TRPS1: variants seen among roughly 807,000 people sequenced by gnomAD.
The protein encoded by TRPS1 is zinc finger transcription factor Trps1.
A neutral mutation model predicts 101.2 loss-of-function variants in TRPS1; 6 were observed. The ratio of observed to expected loss-of-function variants is 0.06; its 90% CI spans 0.03 to 0.12. TRPS1 has a LOEUF of 0.12. Ranked by LOEUF, TRPS1 falls within the 10% of genes least tolerant of loss-of-function variation. The pLI is 1.00. For synonymous variants in TRPS1, 578 were observed against 589.8 expected (o/e 0.98, Z 0.29); for missense variants, 1,363 against 1,567.0 (o/e 0.87, Z 2.20).
chr8:115,416,434 T>A (rs966925707), intron 6 of TRPS1, among the ~76,000 whole-genome samples: 32 of 150,922 alleles, frequency 2.1e-4, no homozygotes, highest in Non-Finnish European at 4.6e-4. Flanking sequence ...CAGAAAATAA[T>A]TTCCACATAA....
intron 5 of TRPS1, among the ~76,000 whole-genome samples, chr8:115,470,744 G>A (rs555896746): frequency 1.3e-5 from 2 of 152,230 alleles, no homozygotes; most frequent in East Asian, 3.9e-4. Context: ...CAAAATTAAA[G>A]TTAGAAACTA....
intron 6 of TRPS1, among the ~76,000 whole-genome samples, chr8:115,417,620 T>C (rs952911767): frequency 6.6e-6 from 1 of 152,174 alleles, no homozygotes; most frequent in African/African-American, 2.4e-5. Context: ...TGAGTTTTAA[T>C]TTTATTACAG....
Position 115,664,095 on chromosome 8 carries a change from C to T in TRPS1, c.-122+4450G>A, listed in dbSNP as rs187636231. Among the ~76,000 whole-genome samples the T allele has an allele frequency of 2.6e-4, 40 of 152,154 alleles. No individual in the cohort carries two copies. In the East Asian group the frequency reaches 2.7e-3, roughly 10 times the overall value. ...ATTTTATACAAACAAATGACTTTGG[C>T]CCTACTTACATCGGAGGATAAATTT... On this transcript the variant is annotated intron_variant, in intron 1 of 6. Coordinates refer to ENST00000395715, the MANE Select transcript of TRPS1 (RefSeq NM_014112.5).
chr8:115,425,515 C>G (rs950365642), intron 5 of TRPS1, among the ~76,000 whole-genome samples: 3 of 152,152 alleles, frequency 2.0e-5, no homozygotes, highest in African/African-American at 7.2e-5. Context: ...GTAATCATAC[C>G]TTGCACTGAG....
chr8:115,478,690 G>A (rs1814667083), intron 5 of TRPS1, among the ~76,000 whole-genome samples: 1 of 151,746 alleles, frequency 6.6e-6, no homozygotes, highest in Non-Finnish European at 1.5e-5. Flanking sequence ...TGTAATCCCA[G>A]CTACTTGGGT....
At chr8:115,621,051 C>T (rs1818381698) in intron 2 of TRPS1, among the ~76,000 whole-genome samples, 11 of 152,204 alleles carry the variant, frequency 7.2e-5, no homozygotes, top group Admixed American at 7.2e-4. Context: ...TTAGTGACAT[C>T]AGTGACTGGG....
chr8:115,503,309 G>A (rs898140655), intron 5 of TRPS1, among the ~76,000 whole-genome samples: 24 of 149,402 alleles, frequency 1.6e-4, no homozygotes, highest in African/African-American at 3.7e-4. Context: ...ACCAATGTAC[G>A]CGAATTACCA....
rs1194318409 is a variant in TRPS1 at position 115,418,219 on chromosome 8, C to T, written c.2823+111G>A. 1 of 1,584,448 alleles carries T rather than the reference C, an allele frequency of 6.3e-7. No homozygotes were observed. Among genetic ancestry groups the T allele is most frequent in the East Asian group, 2.2e-5 (1 of 44,650 alleles). Reference sequence around the variant, plus strand: ...TGCACTCAAAGTGACTGTATTAAAACAACCCTGCGGGGGCAGGCACTGCAA... The same window carrying T: ...TGCACTCAAAGTGACTGTATTAAAATAACCCTGCGGGGGCAGGCACTGCAA... On this transcript the variant is annotated intron_variant, in intron 6 of 6. Coordinates refer to ENST00000395715, the MANE Select transcript of TRPS1 (RefSeq NM_014112.5). The surrounding 1 kb of genome is among the most constrained non-coding windows in gnomAD (Gnocchi z 4.3).
At chr8:115,494,482 C>T (rs927968304) in intron 5 of TRPS1, among the ~76,000 whole-genome samples, 1 of 152,170 alleles carries the variant, frequency 6.6e-6, no homozygotes, top group South Asian at 2.1e-4. Flanking sequence ...AAATTGCTTA[C>T]GCCAAGAGGG....
chr8:115,568,568 T>C (rs1817124596), intron 5 of TRPS1, among the ~76,000 whole-genome samples: 1 of 152,198 alleles, frequency 6.6e-6, no homozygotes, highest in Admixed American at 6.6e-5. Flanking sequence ...TGATATTTTA[T>C]GCTCTAGTTT....
At chr8:115,567,539 T>C (rs978719265) in intron 5 of TRPS1, among the ~76,000 whole-genome samples, 2 of 151,994 alleles carry the variant, frequency 1.3e-5, no homozygotes, top group Non-Finnish European at 2.9e-5. Flanking sequence ...TCCTAAATAT[T>C]CAGATATGGA....
In TRPS1 at chr8:115,565,603, C is replaced by A. The variant is rs539228234; in HGVS notation, c.2700+21398G>T. Among the ~76,000 whole-genome samples the A allele has an allele frequency of 4.6e-5, 7 of 150,970 alleles. No homozygotes were observed. The South Asian group carries it at 1.3e-3, about 27-fold the overall frequency. ...CATTAGTGAGTTCGCCAAAGTACTA[C>A]AAAGTAACCACATTTTAAACAGAAA... is the stretch of plus-strand genomic sequence containing the variant. On this transcript the variant is annotated intron_variant, in intron 5 of 6. Coordinates refer to ENST00000395715, the MANE Select transcript of TRPS1 (RefSeq NM_014112.5).
In TRPS1 at chr8:115,412,539, A is replaced by T. The variant is rs1469417189; in HGVS notation, c.*1484T>A. 6.6e-6 allele frequency: 1 copy of T among 152,566 alleles called. No homozygotes were observed. The highest frequency in any genetic ancestry group is 1.5e-5 in the Non-Finnish European group (1 of 68,004). The allele number at this position is 152,566 out of a possible 1,614,324, so 9.5% of individuals were successfully genotyped here. ...GTAATACATTAATATTTACTAGAAA[A>T]ATAAGTTTTTTTTTTCCTATTTGTT... On this transcript the variant is annotated 3_prime_UTR_variant, in exon 7 of 7. Transcript: ENST00000395715.
At chr8:115,576,286 T>TATATAG (rs1238041454) in intron 5 of TRPS1, among the ~76,000 whole-genome samples, 547 of 130,690 alleles carry the variant, frequency 4.2e-3, no homozygotes, top group South Asian at 8.8e-3. Flanking sequence ...TTCATATATA[T>TATATAG]ATATAGATAT....
At chr8:115,664,595 T>C (rs61017128) in intron 1 of TRPS1, among the ~76,000 whole-genome samples, 11,233 of 152,124 alleles carry the variant, frequency 0.074, 1,230 homozygotes, top group African/African-American at 0.24. Context: ...AGACTCAGAA[T>C]TAGTTATCAA....
chr8:115,663,716 A>G (rs911456442), intron 1 of TRPS1, among the ~76,000 whole-genome samples: 1 of 135,450 alleles, frequency 7.4e-6, no homozygotes, highest in Admixed American at 7.0e-5. Flanking sequence ...GTGCTCTTGG[A>G]AAAGGAAAAA....
rs1815684845 is a variant in TRPS1, at chr8:115,515,381, G to A, written c.2700+71620C>T. ...AGAACCTGAGATTACCCAAACCTGTGCATTTTGCCATGAAATATAAATCAA... is the reference window on the plus strand; with the variant it reads ...AGAACCTGAGATTACCCAAACCTGTACATTTTGCCATGAAATATAAATCAA... On this transcript the variant is annotated intron_variant, in intron 5 of 6. Transcript: ENST00000395715. 6 of 615,840 alleles carry A rather than the reference G, an allele frequency of 9.7e-6. No individual in the cohort carries two copies. The South Asian group carries it at 1.1e-4, about 11-fold the overall frequency. 38.1% of individuals were successfully genotyped at this position (615,840 alleles called of 1,614,324 possible). A position where few individuals can be genotyped will look rare whatever the true frequency, so the allele number is the denominator to read the frequency against.
intron 4 of TRPS1, among the ~76,000 whole-genome samples, chr8:115,600,764 C>T (rs531982942): frequency 6.6e-6 from 1 of 151,656 alleles, no homozygotes; most frequent in Non-Finnish European, 1.5e-5. Context: ...TCCTCCTACT[C>T]GTGCCAAAAA....
intron 5 of TRPS1, among the ~76,000 whole-genome samples, chr8:115,546,732 T>C (rs1230912498): frequency 6.6e-6 from 1 of 152,186 alleles, no homozygotes; most frequent in Non-Finnish European, 1.5e-5. Context: ...TAAGCAGACA[T>C]CTGTAAACTT....
Sources: gnomAD v4.1 joint callset for allele counts (sites outside exome capture counted in the v4.1 genomes callset) on GRCh38, gnomAD v4.1.1 for gene constraint, Gnocchi (gnomAD v3.1) non-coding constraint, MANE v1.5 for transcripts, NCBI Gene and HGNC (gene_info 2026-07-23, HGNC 2026-07-21) for gene names.